The following KIF13A variants were observed in gnomAD, a reference collection of about 807,000 sequenced individuals.
KIF13A encodes the protein kinesin family member 13A.
KIF13A carries 79 observed loss-of-function variants against 212.2 expected under a neutral mutation model. That is an observed-to-expected ratio of 0.37 (90% CI 0.31 to 0.45). The LOEUF is 0.45. Ranked by LOEUF, KIF13A falls within the 20% of genes least tolerant of loss-of-function variation. The probability of loss-of-function intolerance (pLI) is 1.00; values close to 1 mark genes in which losing one functional copy is unlikely to be tolerated. For missense variants in KIF13A, 1,901 were observed against 2,209.0 expected, an observed-to-expected ratio of 0.86 and a Z score of 2.79; for synonymous variants, 789 against 808.6, an observed-to-expected ratio of 0.98 and a Z score of 0.41.
In KIF13A at chr6:17,898,431, A is replaced by C. The variant is rs1772768085; in HGVS notation, c.147-251T>G. 6.6e-6 allele frequency among the ~76,000 whole-genome samples: 1 copy of C among 152,240 alleles called. No homozygotes were observed. The highest frequency in any genetic ancestry group is 1.5e-5 in the Non-Finnish European group (1 of 68,044). On this transcript the variant is annotated intron_variant, in intron 2 of 38. Transcript: ENST00000259711. The surrounding 1 kb of genome is among the most constrained non-coding windows in gnomAD (Gnocchi z 5.2). The stretch of plus-strand genomic sequence containing the variant: ...TAATGAATTTCTCTCTTGGTTGCAC[A>C]GAATGAATTCAATCATTCAGATATT...
chr6:17,937,853 A>G (rs991908960), intron 2 of KIF13A, among the ~76,000 whole-genome samples: 5 of 151,950 alleles, frequency 3.3e-5, no homozygotes, highest in African/African-American at 1.2e-4. Context: ...GGCTCAAGCA[A>G]TTCTCCTGCC....
intron 7 of KIF13A, among the ~76,000 whole-genome samples, chr6:17,851,287 T>C (rs146903237): frequency 3.5e-4 from 53 of 152,342 alleles, no homozygotes; most frequent in Middle Eastern, 3.4e-3. Context: ...AGATTAGTTT[T>C]AGCCATACTA....
At position 17,895,637 on chromosome 6, in the gene KIF13A, T is replaced by C. The variant is rs1772492841; in HGVS notation, c.159+2531A>G. Among the ~76,000 whole-genome samples the C allele has an allele frequency of 1.3e-5, 2 of 152,228 alleles. No individual in the cohort carries two copies. The highest frequency in any genetic ancestry group is 4.8e-5 in the African/African-American group (2 of 41,452). On this transcript the variant is annotated intron_variant, in intron 3 of 38. Transcript: ENST00000259711. This position sits in a 1 kb window ranked among gnomAD's most constrained non-coding sequence, Gnocchi z 4.4. ...ACCTCTGGAAGGACTTGAACTCCAG[T>C]ACTTTGTCCTCCTCAGCCCCACAAA...
In KIF13A at chr6:17,787,063, T is replaced by G. The variant is rs1179602488; in HGVS notation, c.3361+713A>C. On this transcript the variant is annotated intron_variant, in intron 27 of 38. Transcript: ENST00000259711. The surrounding 1 kb of genome is among the most constrained non-coding windows in gnomAD (Gnocchi z 4.6). ...TAGGGGCCACCCTGAACCAGCGGAG[T>G]GCATGGCAATGGCCCAACAGTGGAT... Among the ~76,000 whole-genome samples the G allele has an allele frequency of 6.6e-6, 1 of 152,108 alleles. No individual in the cohort carries two copies. Among genetic ancestry groups the G allele is most frequent in the African/African-American group, 2.4e-5 (1 of 41,442 alleles).
intron 22 of KIF13A, among the ~76,000 whole-genome samples, 198 bp from the exon 23 acceptor site, chr6:17,797,018 T>G (rs1397815067): frequency 1.3e-5 from 2 of 152,030 alleles, no homozygotes; most frequent in Non-Finnish European, 2.9e-5. Flanking sequence ...GTAATTTAAC[T>G]CAACCCGTTT....
Position 17,850,232 on chromosome 6 carries a change from G to T in KIF13A, c.717+91C>A. 2 of 1,281,854 alleles carry T rather than the reference G, an allele frequency of 1.6e-6. No individual in the cohort carries two copies. Among genetic ancestry groups the T allele is most frequent in the Non-Finnish European group, 2.1e-6 (2 of 949,632 alleles). 79.4% of individuals were successfully genotyped at this position (1,281,854 alleles called of 1,614,324 possible). ...CAGAAGAGCCAACATACAATTCTCAGCCACTGAACCCAACCATGAAAGACT... is the reference window on the plus strand; with the variant it reads ...CAGAAGAGCCAACATACAATTCTCATCCACTGAACCCAACCATGAAAGACT... On this transcript the variant is annotated intron_variant, in intron 8 of 38. Transcript: ENST00000259711. This position sits in a 1 kb window ranked among gnomAD's most constrained non-coding sequence, Gnocchi z 6.2.
In KIF13A at chr6:17,847,735, C is replaced by T. The variant is rs114169481; in HGVS notation, c.830+1642G>A. Reference sequence around the variant, plus strand: ...TATAACAGTTAATTTTTATTCACTGCATACTAAGTGCTAGGCATTTTTCTA... The same window carrying T: ...TATAACAGTTAATTTTTATTCACTGTATACTAAGTGCTAGGCATTTTTCTA... On this transcript the variant is annotated intron_variant, in intron 9 of 38. Transcript: ENST00000259711. 2.6e-3 allele frequency among the ~76,000 whole-genome samples: 392 copies of T among 152,272 alleles called. 1 individual carries two copies. Among genetic ancestry groups the T allele is most frequent in the Middle Eastern group, 0.01 (3 of 294 alleles).
chr6:17,845,736 T>TC (rs143605731), intron 9 of KIF13A, among the ~76,000 whole-genome samples: 2,698 of 152,308 alleles, frequency 0.018, 90 homozygotes, highest in African/African-American at 0.061. Flanking sequence ...TCAAATGTAT[T>TC]CCCCTGTGAA....
rs1398238272 is a variant in KIF13A, at chr6:17,915,888, C to T, written c.147-17708G>A. On this transcript the variant is annotated intron_variant, in intron 2 of 38. Coordinates refer to ENST00000259711, the MANE Select transcript of KIF13A (RefSeq NM_022113.6). The surrounding 1 kb of genome is among the most constrained non-coding windows in gnomAD (Gnocchi z 4.4). ...GAGGTGGTAGGATCATTGCAGTAAGCCAAGATGGCACCACTGCACTCAAGC... is the reference window on the plus strand; with the variant it reads ...GAGGTGGTAGGATCATTGCAGTAAGTCAAGATGGCACCACTGCACTCAAGC... Among the ~76,000 whole-genome samples, 2 of 150,964 alleles carry T rather than the reference C, an allele frequency of 1.3e-5. No homozygotes were observed. Among genetic ancestry groups the T allele is most frequent in the African/African-American group, 4.9e-5 (2 of 40,970 alleles).
Position 17,934,008 on chromosome 6 carries a change from C to T in KIF13A, c.147-35828G>A, listed in dbSNP as rs1776238018. Among the ~76,000 whole-genome samples, 1 of 152,158 alleles carries T rather than the reference C, an allele frequency of 6.6e-6. No homozygotes were observed. Reference sequence around the variant, plus strand: ...TAGGATTTCAAGTTATATTTTCTCTCACAGATAAAGAAAGCTGCCTTTTAT... The same window carrying T: ...TAGGATTTCAAGTTATATTTTCTCTTACAGATAAAGAAAGCTGCCTTTTAT... On this transcript the variant is annotated intron_variant, in intron 2 of 38. Coordinates refer to ENST00000259711, the MANE Select transcript of KIF13A (RefSeq NM_022113.6). The surrounding 1 kb of genome is among the most constrained non-coding windows in gnomAD (Gnocchi z 5.4).
chr6:17,835,237 AAAG>A (rs1765840374), intron 11 of KIF13A, among the ~76,000 whole-genome samples: 1 of 103,096 alleles, frequency 9.7e-6, no homozygotes, highest in African/African-American at 3.7e-5. Context: ...AAAAAAAAAA[AAAG>A]AAACAGAAAA....
intron 9 of KIF13A, among the ~76,000 whole-genome samples, chr6:17,844,673 G>A (rs1321060050): frequency 1.3e-5 from 2 of 152,192 alleles, no homozygotes; most frequent in Non-Finnish European, 2.9e-5. Context: ...TTCCAACGAT[G>A]TGGCTACTGT....
At position 17,800,080 on chromosome 6, in the gene KIF13A, C is replaced by T; in HGVS notation, c.2488G>A (p.Val830Ile). 6.2e-7 allele frequency: 1 copy of T among 1,613,928 alleles called. No homozygotes were observed. Among genetic ancestry groups the T allele is most frequent in the Non-Finnish European group, 8.5e-7 (1 of 1,179,864 alleles). ...AGRLHVEVMR[V>I]TGAVPERVVE... ...ACACGCTCTGGAACAGCTCCTGTAA[C>T]ACGCATCACTTCCACGTGGAGACGC... Residue 830 changes from valine to isoleucine, a missense_variant, in exon 21 of 39, where the codon GTT (valine) becomes ATT (isoleucine). Coordinates refer to ENST00000259711, the MANE Select transcript of KIF13A (RefSeq NM_022113.6).
chr6:17,872,407 T>C lies in KIF13A; in HGVS notation c.220+970A>G, dbSNP rs140081934. On this transcript the variant is annotated intron_variant, in intron 4 of 38. Coordinates refer to ENST00000259711, the MANE Select transcript of KIF13A (RefSeq NM_022113.6). This position sits in a 1 kb window ranked among gnomAD's most constrained non-coding sequence, Gnocchi z 4.7. ...GGAGAAAACACTCAGTAGGAAGAAA[T>C]AGTTCACGAGCTCTATTGTACAACA... Among the ~76,000 whole-genome samples, 1,108 of 152,180 alleles carry C rather than the reference T, an allele frequency of 7.3e-3. 10 individuals carry two copies. The highest frequency in any genetic ancestry group is 0.012 in the Non-Finnish European group (813 of 67,996).
At chr6:17,835,168 A>T (rs1765815812) in intron 11 of KIF13A, among the ~76,000 whole-genome samples, 1 of 134,892 alleles carries the variant, frequency 7.4e-6, no homozygotes, top group Admixed American at 8.3e-5. Flanking sequence ...CCCGGGCAAC[A>T]GAGAGACTCT....
At chr6:17,844,498 C>T (rs985437624) in intron 9 of KIF13A, among the ~76,000 whole-genome samples, 2 of 152,204 alleles carry the variant, frequency 1.3e-5, no homozygotes, top group African/African-American at 4.8e-5. Flanking sequence ...TTTATTACTG[C>T]AGGACGTCTC....
chr6:17,911,259 CACTG>C (rs1774034249), intron 2 of KIF13A, among the ~76,000 whole-genome samples: 1 of 152,246 alleles, frequency 6.6e-6, no homozygotes, highest in African/African-American at 2.4e-5. Context: ...AAACCATCTC[CACTG>C]ACTGAGGGGT....
At chr6:17,818,683 C>T (rs1437997472) in intron 16 of KIF13A, among the ~76,000 whole-genome samples, 2 of 152,184 alleles carry the variant, frequency 1.3e-5, no homozygotes, top group East Asian at 1.9e-4. Context: ...GATATCATCC[C>T]GATTTTAAAA....
intron 2 of KIF13A, among the ~76,000 whole-genome samples, chr6:17,965,521 T>C (rs1396305721): frequency 1.3e-5 from 2 of 152,254 alleles, no homozygotes; most frequent in African/African-American, 2.4e-5. Flanking sequence ...AGATTTCACA[T>C]AGCTTTTACT....
Sources: gnomAD v4.1 joint callset for allele counts (sites outside exome capture counted in the v4.1 genomes callset) on GRCh38, gnomAD v4.1.1 for gene constraint, Gnocchi (gnomAD v3.1) non-coding constraint, MANE v1.5 for transcripts, NCBI Gene and HGNC (gene_info 2026-07-23, HGNC 2026-07-21) for gene names.